HEPHL1: variants seen among roughly 807,000 people sequenced by gnomAD.
HEPHL1 encodes ferroxidase HEPHL1.
HEPHL1 carries 123 observed loss-of-function variants against 122.0 expected under a neutral mutation model. The ratio of observed to expected loss-of-function variants is 1.01; its 90% confidence interval spans 0.87 to 1.17. The LOEUF (loss-of-function observed/expected upper bound fraction) is 1.17, where lower values mean the gene tolerates loss of function less well. Among genes scored for constraint, HEPHL1 ranks in the 50% most tolerant of loss-of-function variants. The pLI is 0.00. For missense variants in HEPHL1, 1,452 were observed against 1,430.5 expected (o/e 1.01, Z -0.24); for synonymous variants, 527 against 508.9 (o/e 1.04, Z -0.48).
intron 11 of HEPHL1, 77 bp downstream of exon 11, chr11:94,086,266 A>C: frequency 1.3e-5 from 14 of 1,095,072 alleles, no homozygotes; most frequent in Non-Finnish European, 1.9e-5. Flanking sequence ...CCCACAGAAG[A>C]AATTGGTAGA....
chr11:94,057,761 T>C (rs566488952), intron 2 of HEPHL1, among the ~76,000 whole-genome samples: 1 of 152,304 alleles, frequency 6.6e-6, no homozygotes, highest in South Asian at 2.1e-4. Context: ...ATTCAACCTA[T>C]AAGGACATAT....
intron 2 of HEPHL1, among the ~76,000 whole-genome samples, chr11:94,046,394 G>A (rs975851937): frequency 3.3e-5 from 5 of 150,796 alleles, no homozygotes; most frequent in Non-Finnish European, 7.4e-5. Context: ...CACCATGCCC[G>A]GCTCCCCTTC....
At chr11:94,087,014 T>G (rs1946224194) in intron 11 of HEPHL1, among the ~76,000 whole-genome samples, 1 of 152,260 alleles carries the variant, frequency 6.6e-6, no homozygotes, top group African/African-American at 2.4e-5. Context: ...AACTGCAGTT[T>G]AGATGTCTCT....
chr11:94,047,677 A>G (rs1226143063), intron 2 of HEPHL1, among the ~76,000 whole-genome samples: 4 of 152,120 alleles, frequency 2.6e-5, no homozygotes, highest in African/African-American at 9.7e-5. Flanking sequence ...ATGTACCAAG[A>G]TAGTTGTGCC....
At chr11:94,063,469 C>A in intron 2 of HEPHL1, 39 bp from the exon 3 acceptor site, 2 of 1,472,712 alleles carry the variant, frequency 1.4e-6, no homozygotes, top group Non-Finnish European at 1.9e-6. Context: ...TCTGTTTTAA[C>A]TATGTTTTAC....
At chr11:94,091,696 T>C (rs1302462940) in intron 12 of HEPHL1, among the ~76,000 whole-genome samples, 1 of 152,042 alleles carries the variant, frequency 6.6e-6, no homozygotes. Flanking sequence ...CACACAGCCC[T>C]GTCTTGAGGA....
rs1159542491 is a variant in HEPHL1, at chr11:94,045,659, C to A, written c.171-14C>A. The A allele has an allele frequency of 1.3e-6, 2 of 1,569,604 alleles. No homozygotes were observed. The highest frequency in any genetic ancestry group is 1.7e-6 in the Non-Finnish European group (2 of 1,156,788). On this transcript the variant is annotated splice_polypyrimidine_tract_variant and intron_variant, in intron 1 of 19. Transcript: ENST00000315765. ...TTTCATTTCAATTAAAAATGTTTTT[C>A]TTCTTACTTTTAGACTTGCAACCTT...
chr11:94,046,260 A>AT (rs1945837431), intron 2 of HEPHL1, among the ~76,000 whole-genome samples: 1 of 150,036 alleles, frequency 6.7e-6, no homozygotes, highest in Non-Finnish European at 1.5e-5. Context: ...CGCCCAGCTA[A>AT]TTTTTTGTAT....
chr11:94,107,974 CA>C (rs1946421830), intron 17 of HEPHL1, among the ~76,000 whole-genome samples: 1 of 152,100 alleles, frequency 6.6e-6, no homozygotes, highest in Non-Finnish European at 1.5e-5. Flanking sequence ...AACTGTTTTC[CA>C]AAAAGGCAGT....
chr11:94,059,645 G>A (rs1945967772), intron 2 of HEPHL1, among the ~76,000 whole-genome samples: 2 of 152,174 alleles, frequency 1.3e-5, no homozygotes, highest in South Asian at 4.1e-4. Flanking sequence ...AAATTCTTTT[G>A]AAAATGACTT....
chr11:94,059,574 CAAATAAATAGTGTTT>C (rs1350899542), intron 2 of HEPHL1, among the ~76,000 whole-genome samples: 1 of 152,100 alleles, frequency 6.6e-6, no homozygotes, highest in Non-Finnish European at 1.5e-5. Context: ...CATATATAAG[CAAATAAATAGTGTTT>C]TATACTTTCA....
intron 3 of HEPHL1, 56 bp downstream of exon 3, chr11:94,063,776 T>C: frequency 2.7e-6 from 4 of 1,472,258 alleles, no homozygotes; most frequent in South Asian, 1.1e-5. Context: ...AAGATTCAGG[T>C]CTTATTTTGC....
At chr11:94,064,710 T>C (rs1405635710) in intron 4 of HEPHL1, among the ~76,000 whole-genome samples, 200 bp downstream of exon 4, 1 of 152,110 alleles carries the variant, frequency 6.6e-6, no homozygotes. Context: ...AGTGGATGCA[T>C]GCTAAATTGG....
chr11:94,021,458 C>T lies in HEPHL1; in HGVS notation c.90C>T (p.Tyr30=). ...TTGGCACAGTTACCAGAACGTACTA[C>T]ATTGGGATTGTGGAAGAATACTGGA... ...GLVGTVTRTY[Y]IGIVEEYWNY... Residue 30 remains tyrosine, a synonymous_variant, in exon 1 of 20, where the codon TAC becomes TAT. Coordinates refer to ENST00000315765, the MANE Select transcript of HEPHL1 (RefSeq NM_001098672.2). 6.2e-7 allele frequency: 1 copy of T among 1,613,078 alleles called. No homozygotes were observed. The highest frequency in any genetic ancestry group is 8.5e-7 in the Non-Finnish European group (1 of 1,179,082).
chr11:94,087,678 G>T (rs1295356444), intron 11 of HEPHL1, among the ~76,000 whole-genome samples: 1 of 151,938 alleles, frequency 6.6e-6, no homozygotes, highest in Non-Finnish European at 1.5e-5. Flanking sequence ...TAAAAAATAG[G>T]CTTCCTGGAA....
chr11:94,065,219 C>A (rs1317304230), intron 4 of HEPHL1, among the ~76,000 whole-genome samples: 2 of 152,216 alleles, frequency 1.3e-5, no homozygotes, highest in Non-Finnish European at 2.9e-5. Flanking sequence ...CCACCTTATT[C>A]ATTGACATAT....
At chr11:94,098,080 C>G (rs577067731) in intron 13 of HEPHL1, among the ~76,000 whole-genome samples, 1 of 152,312 alleles carries the variant, frequency 6.6e-6, no homozygotes, top group African/African-American at 2.4e-5. Context: ...GGTTATTTCA[C>G]TCATTAGTTG....
rs748046323 is a variant in HEPHL1 at position 94,064,470 on chromosome 11, C to T, written c.768C>T (p.Asp256=). The change falls in exon 4 of 20, where the codon GAC becomes GAT. Residue 256 remains aspartate (D), a synonymous_variant. Transcript: ENST00000315765. ...TCTGCACCAACCCTGATTCAGTTGA[C>T]AAGAAAGATGCTGTTTTCCAGAGGA... is the stretch of plus-strand genomic sequence containing the variant. ...KHFCTNPDSV[D]KKDAVFQRSN... is the part of the protein sequence containing the mutation. 2 of 1,613,178 alleles carry T rather than the reference C, an allele frequency of 1.2e-6. No individual in the cohort carries two copies.
chr11:94,113,685 T>C lies in HEPHL1; in HGVS notation c.*1791T>C, dbSNP rs1225642845. 1 of 152,228 alleles carries C rather than the reference T, an allele frequency of 6.6e-6. No homozygotes were observed. Among genetic ancestry groups the C allele is most frequent in the African/African-American group, 2.4e-5 (1 of 41,454 alleles). The allele number at this position is 152,228 out of a possible 1,614,324, so 9.4% of individuals were successfully genotyped here. ...TTTTCTTTTCAGTTTATTTTTTTAA[T>C]GAAAACAAAACCACAAAGTAGTTTG... On this transcript the variant is annotated 3_prime_UTR_variant, in exon 20 of 20. Coordinates refer to ENST00000315765, the MANE Select transcript of HEPHL1 (RefSeq NM_001098672.2).
Sources: allele counts gnomAD v4.1 joint callset (sites outside exome capture counted in the v4.1 genomes callset), GRCh38; gene constraint gnomAD v4.1.1; transcripts MANE v1.5; gene names NCBI Gene and HGNC (gene_info 2026-07-23, HGNC 2026-07-21).